The following RNF17 variants were observed in gnomAD, a reference collection of about 807,000 sequenced individuals.
RNF17 encodes spermatogenesis associated 23.
RNF17 carries 31 observed loss-of-function variants against 200.5 expected under a neutral mutation model. The observed-to-expected ratio is 0.15, with a 90% CI of 0.12 to 0.21. The LOEUF is 0.21. RNF17 is among the 10% of genes least tolerant of loss of function. RNF17 has a pLI of 1.00. For synonymous variants in RNF17, 606 were observed against 637.8 expected (o/e 0.95, Z 0.75); for missense variants, 1,628 against 1,905.1 (o/e 0.85, Z 2.71).
chr13:24,875,130 A>C (rs1182644781), intron 33 of RNF17, among the ~76,000 whole-genome samples: 1 of 152,204 alleles, frequency 6.6e-6, no homozygotes, highest in African/African-American at 2.4e-5. Flanking sequence ...TTTTTCACCA[A>C]AATAAATTTG....
downstream of RNF17, among the ~76,000 whole-genome samples, chr13:24,881,983 GATAT>G (rs1566272989): frequency 6.1e-3 from 32 of 5,264 alleles, 3 homozygotes; most frequent in Non-Finnish European, 0.01. Flanking sequence ...GATACATCTA[GATAT>G]ATAGATACAT....
downstream of RNF17, chr13:24,884,408 C>T (rs773273237): frequency 6.8e-6 from 11 of 1,613,920 alleles, no homozygotes; most frequent in Admixed American, 3.3e-5. Flanking sequence ...CACTTCCTTT[C>T]GAGTTCCATT....
chr13:24,762,579 A>G (rs189308159), upstream of RNF17, among the ~76,000 whole-genome samples: 1 of 152,114 alleles, frequency 6.6e-6, no homozygotes, highest in Admixed American at 6.5e-5. Context: ...TAATTTAGGG[A>G]AGCAGTACTT....
intron 6 of RNF17, among the ~76,000 whole-genome samples, chr13:24,783,367 G>A (rs912759176): frequency 1.3e-5 from 2 of 152,118 alleles, no homozygotes; most frequent in African/African-American, 4.8e-5. Flanking sequence ...TTGTTTCTCA[G>A]GGTCTCTTAA....
At chr13:24,827,575 G>A (rs902346385) in intron 16 of RNF17, among the ~76,000 whole-genome samples, 113 of 150,790 alleles carry the variant, frequency 7.5e-4, no homozygotes, top group Middle Eastern at 3.4e-3. Flanking sequence ...AGTGGCGGGC[G>A]CCTGTAGTCC....
intron 5 of RNF17, 107 bp downstream of exon 5, chr13:24,779,854 T>G: frequency 1.4e-6 from 1 of 733,390 alleles, no homozygotes; most frequent in Non-Finnish European, 2.2e-6. Context: ...CACTGAGTTA[T>G]TAAGCATGAT....
chr13:24,759,683 A>G (rs1015564201), upstream of RNF17, among the ~76,000 whole-genome samples: 1 of 152,218 alleles, frequency 6.6e-6, no homozygotes, highest in African/African-American at 2.4e-5. Context: ...AAGCCTACCA[A>G]AAAGGTAATT....
chr13:24,797,705 A>AGTTTGTGTGTGTGTGTGTGTGTGTGT (rs59493601), intron 11 of RNF17, among the ~76,000 whole-genome samples: 7 of 119,096 alleles, frequency 5.9e-5, no homozygotes, highest in East Asian at 5.1e-4. Flanking sequence ...AGAGACAAAG[A>AGTTTGTGTGTGTGTGTGTGTGTGTGT]GTGTGTGTGT....
chr13:24,838,190 TG>T (rs1890213250), intron 18 of RNF17, among the ~76,000 whole-genome samples: 1 of 152,076 alleles, frequency 6.6e-6, no homozygotes. Flanking sequence ...AAAATTGAAA[TG>T]GTAATTTAAA....
chr13:24,885,298 T>A, the RNF17 span: 1 of 1,611,112 alleles, frequency 6.2e-7, no homozygotes, highest in Non-Finnish European at 8.5e-7. Context: ...ATGACTGATT[T>A]CTCCCTGTAT....
intron 15 of RNF17, among the ~76,000 whole-genome samples, chr13:24,820,674 G>C (rs1887953143): frequency 6.6e-6 from 1 of 151,706 alleles, no homozygotes; most frequent in Non-Finnish European, 1.5e-5. Flanking sequence ...GACCTCAAGT[G>C]ATCACCCCCC....
chr13:24,827,725 A>C (rs1298063281), intron 16 of RNF17, among the ~76,000 whole-genome samples: 4 of 148,286 alleles, frequency 2.7e-5, no homozygotes, highest in Non-Finnish European at 6.0e-5. Flanking sequence ...AAACAAAAAA[A>C]AAAAAACAAT....
intron 28 of RNF17, among the ~76,000 whole-genome samples, chr13:24,864,163 G>T (rs1893389995): frequency 6.6e-6 from 1 of 152,194 alleles, no homozygotes; most frequent in Admixed American, 6.5e-5. Flanking sequence ...CCTTAAAATG[G>T]TTAGAGGACA....
chr13:24,764,041 C>G, upstream of RNF17: 2 of 601,282 alleles, frequency 3.3e-6, no homozygotes, highest in Non-Finnish European at 5.6e-6. Context: ...CCCAGGATAA[C>G]GGAAAACAGC....
intron 5 of RNF17, among the ~76,000 whole-genome samples, chr13:24,781,019 T>A (rs1334425440): frequency 6.6e-6 from 1 of 152,202 alleles, no homozygotes; most frequent in Non-Finnish European, 1.5e-5. Flanking sequence ...AAGAACTTAG[T>A]TGCTTCTAAA....
chr13:24,861,300 G>C lies in RNF17; in HGVS notation c.3807G>C (p.Lys1269Asn). 1 of 1,595,038 alleles carries C rather than the reference G, an allele frequency of 6.3e-7. No individual in the cohort carries two copies. The highest frequency in any genetic ancestry group is 1.4e-5 in the African/African-American group (1 of 73,342). Reference sequence around the variant, plus strand: ...ATTTAGATCATGGATTCACTGAAAAGATTCCGCAGTGCCATCTTTACCCTA... The same window carrying C: ...ATTTAGATCATGGATTCACTGAAAACATTCCGCAGTGCCATCTTTACCCTA... Reference protein sequence around the residue: ...VQYLDHGFTEKIPQCHLYPIL... With the variant: ...VQYLDHGFTENIPQCHLYPIL... The change falls in exon 27 of 36, where the codon AAG becomes AAC. Residue 1269 changes from lysine to asparagine, a missense_variant. Lys to Asn is a moderately conservative substitution (Grantham distance 94). Coordinates refer to ENST00000255324, the MANE Select transcript of RNF17 (RefSeq NM_031277.3).
intron 7 of RNF17, among the ~76,000 whole-genome samples, chr13:24,788,482 C>T (rs962489290): frequency 2.6e-5 from 4 of 151,472 alleles, no homozygotes; most frequent in African/African-American, 4.9e-5. Flanking sequence ...CTAGGACACC[C>T]GATTAAAAAA....
rs758665095 is a variant in RNF17 at position 24,850,409 on chromosome 13, C to G, written c.3170C>G (p.Ala1057Gly). ...CDCLSLYLTG[A>G]VATIILQVDS... ...TGTCTTTCATTGTACCTGACTGGAG[C>G]TGTAGCAACTATAATCTTACAGGTG... Residue 1057 changes from alanine to glycine, a missense_variant, in exon 23 of 36, where the codon GCT becomes GGT. Physicochemically the swap from Ala to Gly is moderately conservative, Grantham distance 60. Transcript: ENST00000255324. 1 of 1,613,010 alleles carries G rather than the reference C, an allele frequency of 6.2e-7. No homozygotes were observed. The highest frequency in any genetic ancestry group is 1.3e-5 in the African/African-American group (1 of 75,038).
At chr13:24,749,890 C>A in the RNF17 span, among the ~76,000 whole-genome samples, 1 of 152,176 alleles carries the variant, frequency 6.6e-6, no homozygotes. Context: ...GCTAGGACTA[C>A]AGGCATGCGA....
Sources: gnomAD v4.1 joint callset for allele counts (sites outside exome capture counted in the v4.1 genomes callset) on GRCh38, gnomAD v4.1.1 for gene constraint, MANE v1.5 for transcripts, NCBI Gene and HGNC (gene_info 2026-07-23, HGNC 2026-07-21) for gene names.